Variants in EML4 observed in about 807,000 individuals in gnomAD.
EML4 encodes echinoderm microtubule-associated protein-like 4.
Under a neutral mutation model 129.0 loss-of-function variants are expected in EML4, and 72 were observed. The ratio of observed to expected loss-of-function variants is 0.56; its 90% CI spans 0.46 to 0.68. EML4 has a LOEUF of 0.68. Among genes scored for constraint, EML4 ranks in the 30% least tolerant of loss-of-function variants. EML4 has a pLI of 0.00. For missense variants in EML4, 1,363 were observed against 1,190.6 expected, an observed-to-expected ratio of 1.14 and a Z score of -2.13; for synonymous variants, 532 against 405.0, an observed-to-expected ratio of 1.31 and a Z score of -3.77.
chr2:42,178,380 CA>C (rs112033160), intron 1 of EML4, among the ~76,000 whole-genome samples: 2,892 of 133,626 alleles, frequency 0.022, 72 homozygotes, highest in African/African-American at 0.073. Context: ...CTGTCTCTAC[CA>C]AAAAAAAAAA....
At chr2:42,219,298 A>G (rs1041728019) in intron 1 of EML4, among the ~76,000 whole-genome samples, 6 of 152,170 alleles carry the variant, frequency 3.9e-5, no homozygotes, top group African/African-American at 1.4e-4. Flanking sequence ...TATTCCAGGG[A>G]TGCCAAACCT....
Position 42,316,054 on chromosome 2 carries a change from G to C in EML4, c.2056+4G>C. The C allele has an allele frequency of 6.2e-7, 1 of 1,607,206 alleles. No homozygotes were observed. The highest frequency in any genetic ancestry group is 8.5e-7 in the Non-Finnish European group (1 of 1,174,574). ...TCTGTGATGCGCTACTCAATAGGTA[G>C]GCAAATTTACTCCCACCTCCCAAGC... is the stretch of plus-strand genomic sequence containing the variant. On this transcript the variant is annotated splice_donor_region_variant and intron_variant, in intron 18 of 22. Transcript: ENST00000318522.
At chr2:42,296,023 T>G (rs1667927675) in intron 13 of EML4, among the ~76,000 whole-genome samples, 1 of 152,212 alleles carries the variant, frequency 6.6e-6, no homozygotes, top group African/African-American at 2.4e-5. Flanking sequence ...AACACAGATT[T>G]ATTCTTAAGT....
intron 7 of EML4, among the ~76,000 whole-genome samples, chr2:42,281,218 C>T (rs975036266): frequency 1.3e-5 from 2 of 151,878 alleles, no homozygotes; most frequent in African/African-American, 4.8e-5. Flanking sequence ...ATTGTGAAAC[C>T]CCATCTCTAC....
intron 1 of EML4, among the ~76,000 whole-genome samples, chr2:42,218,232 G>C (rs1255206411): frequency 6.6e-6 from 1 of 151,898 alleles, no homozygotes; most frequent in Non-Finnish European, 1.5e-5. Flanking sequence ...AGGGATCTCG[G>C]TTGCTCACTC....
intron 1 of EML4, among the ~76,000 whole-genome samples, chr2:42,176,233 G>A (rs146696557): frequency 0.018 from 2,699 of 152,238 alleles, 34 homozygotes; most frequent in Non-Finnish European, 0.028. Flanking sequence ...TCTAAGACTT[G>A]TCAATTCTTG....
At chr2:42,329,116 G>T (rs1014561888) in intron 22 of EML4, 100 bp downstream of exon 22, 1 of 1,228,874 alleles carries the variant, frequency 8.1e-7, no homozygotes, top group South Asian at 1.5e-5. Context: ...TCCTCTCCAT[G>T]ATACTCCAGT....
chr2:42,187,061 G>A (rs1206539982), intron 1 of EML4, among the ~76,000 whole-genome samples: 1 of 120,128 alleles, frequency 8.3e-6, no homozygotes, highest in African/African-American at 3.1e-5. Context: ...GGGGGGTGGG[G>A]GGGACAGGGT....
chr2:42,211,029 C>A (rs757012109), intron 1 of EML4, among the ~76,000 whole-genome samples: 28 of 152,198 alleles, frequency 1.8e-4, no homozygotes, highest in Admixed American at 8.5e-4. Context: ...ATGTAATCTT[C>A]TGTCTCTTAC....
intron 6 of EML4, among the ~76,000 whole-genome samples, chr2:42,276,690 C>G (rs899509681): frequency 2.0e-5 from 3 of 152,156 alleles, no homozygotes; most frequent in Non-Finnish European, 4.4e-5. Context: ...ACTTATAATT[C>G]CAAACAGTAG....
intron 17 of EML4, among the ~76,000 whole-genome samples, chr2:42,306,644 C>T (rs1668620033): frequency 1.4e-5 from 2 of 147,210 alleles, no homozygotes; most frequent in South Asian, 2.2e-4. Context: ...AGGCGCCCTG[C>T]CACCACGCCT....
chr2:42,219,013 A>T (rs151052959), intron 1 of EML4, among the ~76,000 whole-genome samples: 93 of 152,342 alleles, frequency 6.1e-4, no homozygotes, highest in African/African-American at 2.2e-3. Context: ...AATGCTTGTT[A>T]TGCGTTTACT....
chr2:42,172,168 G>T (rs1285794539), intron 1 of EML4, among the ~76,000 whole-genome samples: 1 of 151,836 alleles, frequency 6.6e-6, no homozygotes, highest in Non-Finnish European at 1.5e-5. Context: ...TTACATATTA[G>T]ATAGATTCTT....
At chr2:42,266,088 C>CT (rs1336470614) in intron 6 of EML4, among the ~76,000 whole-genome samples, 2 of 152,086 alleles carry the variant, frequency 1.3e-5, no homozygotes, top group Non-Finnish European at 1.5e-5. Context: ...GTGGTTAAAG[C>CT]TTTTTTTAGA....
intron 21 of EML4, among the ~76,000 whole-genome samples, chr2:42,327,005 A>T (rs1315180100): frequency 3.9e-5 from 6 of 152,060 alleles, no homozygotes; most frequent in African/African-American, 1.4e-4. Flanking sequence ...CAGTTACCCC[A>T]TCTCTCTTAT....
intron 1 of EML4, among the ~76,000 whole-genome samples, chr2:42,240,719 G>C (rs769629752): frequency 6.6e-6 from 1 of 152,166 alleles, no homozygotes; most frequent in Non-Finnish European, 1.5e-5. Flanking sequence ...CTATAGGATA[G>C]CAACTTACTG....
chr2:42,252,707 C>G (rs919142023), intron 2 of EML4, among the ~76,000 whole-genome samples: 1 of 152,122 alleles, frequency 6.6e-6, no homozygotes, highest in Non-Finnish European at 1.5e-5. Flanking sequence ...TGTTTCTGTT[C>G]CTTTACACAT....
intron 17 of EML4, among the ~76,000 whole-genome samples, chr2:42,307,456 T>A (rs896414620): frequency 1.3e-5 from 2 of 152,212 alleles, no homozygotes; most frequent in African/African-American, 4.8e-5. Flanking sequence ...ATGTAACTCC[T>A]GTCTTTGGTT....
At chr2:42,322,135 G>T (rs540121190) in intron 19 of EML4, among the ~76,000 whole-genome samples, 1 of 152,218 alleles carries the variant, frequency 6.6e-6, no homozygotes, top group Non-Finnish European at 1.5e-5. Context: ...TCCAGGAACA[G>T]ATTTATGTTT....
Sources: allele counts gnomAD v4.1 joint callset (sites outside exome capture counted in the v4.1 genomes callset), GRCh38; gene constraint gnomAD v4.1.1; transcripts MANE v1.5; gene names NCBI Gene and HGNC (gene_info 2026-07-23, HGNC 2026-07-21).